The following CSPP1 variants were observed in gnomAD, a reference collection of about 807,000 sequenced individuals.
The protein encoded by CSPP1 is centrosome and spindle pole associated protein 1.
Under a neutral mutation model 164.4 loss-of-function variants are expected in CSPP1, and 126 were observed. That is an observed-to-expected ratio of 0.77 (90% CI 0.66 to 0.89). The LOEUF is 0.89. Ranked by LOEUF, CSPP1 falls within the 40% of genes least tolerant of loss-of-function variation. The pLI, the probability that CSPP1 is intolerant of heterozygous loss-of-function variation, is 0.00. For synonymous variants in CSPP1, 472 were observed against 476.7 expected, an observed-to-expected ratio of 0.99 and a Z score of 0.13; for missense variants, 1,395 against 1,449.8, an observed-to-expected ratio of 0.96 and a Z score of 0.61.
chr8:67,069,787 G>T (rs1806337062), intron 1 of CSPP1, among the ~76,000 whole-genome samples: 1 of 151,510 alleles, frequency 6.6e-6, no homozygotes, highest in Non-Finnish European at 1.5e-5. Context: ...GTGTCCCCCG[G>T]TAGTTGGGAT....
intron 1 of CSPP1, among the ~76,000 whole-genome samples, chr8:67,071,367 T>C (rs1342534704): frequency 6.6e-6 from 1 of 150,700 alleles, no homozygotes; most frequent in Admixed American, 6.6e-5. Context: ...ATTTAATTAT[T>C]CCCTCTGTTT....
Position 67,067,705 on chromosome 8 carries a change from C to T in CSPP1, c.-11+3167C>T, listed in dbSNP as rs577518658. ...GTCTTGATCTCCTGACCTCGTGATC[C>T]GCCCGCCTCGGCCTCCCAAAGTGTT... On this transcript the variant is annotated intron_variant, in intron 1 of 30. Transcript: ENST00000678616. Among the ~76,000 whole-genome samples the T allele has an allele frequency of 7.1e-4, 108 of 151,870 alleles. 1 individual carries two copies. Among genetic ancestry groups the T allele is most frequent in the Middle Eastern group, 3.4e-3 (1 of 294 alleles).
At position 67,137,545 on chromosome 8, in the gene CSPP1, T is replaced by G; in HGVS notation, c.1917T>G (p.Asn639Lys). The change falls in exon 17 of 31, where the codon AAT (asparagine) becomes AAG (lysine). Residue 639 changes from asparagine (N) to lysine (K), a missense_variant. Transcript: ENST00000678616. ...AKLEAEMRTY[N>K]PWGKGGGGAP... ...TAGAAGCTGAAATGAGAACATATAA[T>G]CCCTGGGGAAAAGGTGGAGGTGGTG... 2.5e-6 allele frequency: 4 copies of G among 1,595,274 alleles called. No individual in the cohort carries two copies. Among genetic ancestry groups the G allele is most frequent in the Non-Finnish European group, 3.4e-6 (4 of 1,170,538 alleles).
intron 23 of CSPP1, among the ~76,000 whole-genome samples, chr8:67,164,035 T>C (rs1828856809): frequency 6.6e-6 from 1 of 152,188 alleles, no homozygotes; most frequent in African/African-American, 2.4e-5. Flanking sequence ...CATGCATTTA[T>C]GTATGTGTAT....
chr8:67,094,333 G>T (rs1448063557), intron 6 of CSPP1, among the ~76,000 whole-genome samples: 2 of 146,564 alleles, frequency 1.4e-5, no homozygotes, highest in African/African-American at 5.1e-5. Context: ...GAATGCAGTG[G>T]CACAATGTCA....
intron 28 of CSPP1, among the ~76,000 whole-genome samples, chr8:67,182,448 G>T (rs1305581684): frequency 2.6e-5 from 4 of 152,132 alleles, no homozygotes; most frequent in African/African-American, 9.7e-5. Context: ...CCTATGAATA[G>T]GTGTACAATT....
intron 28 of CSPP1, among the ~76,000 whole-genome samples, chr8:67,180,946 C>G (rs1372874890): frequency 1.3e-5 from 2 of 151,606 alleles, no homozygotes; most frequent in Admixed American, 1.3e-4. Flanking sequence ...ATGATCTAGT[C>G]TACATATTAG....
At chr8:67,168,189 T>C (rs1053399278) in intron 24 of CSPP1, among the ~76,000 whole-genome samples, 2 of 151,950 alleles carry the variant, frequency 1.3e-5, no homozygotes. Context: ...CGCAGGCACT[T>C]GGCAGGCTGA....
chr8:67,189,705 A>C (rs1835676169), intron 28 of CSPP1, among the ~76,000 whole-genome samples: 1 of 152,222 alleles, frequency 6.6e-6, no homozygotes, highest in Admixed American at 6.5e-5. Context: ...TGAGAGACAA[A>C]ATGCCATGAT....
rs1554621539 is a variant in CSPP1 at position 67,184,744 on chromosome 8, T to TAATAATAATA, written c.3220+4819_3220+4820insATAATAATAA. On this transcript the variant is annotated intron_variant, in intron 28 of 30. Coordinates refer to ENST00000678616, the MANE Select transcript of CSPP1 (RefSeq NM_001382391.1). The stretch of plus-strand genomic sequence containing the variant: ...GTCTAAAAAAATAATAATAAAAAAA[T>TAATAATAATA]ATAATAATAATAATAATAATAATAA... 9.8e-5 allele frequency among the ~76,000 whole-genome samples: 14 copies of TAATAATAATA among 142,498 alleles called. No individual in the cohort carries two copies. In the South Asian group the frequency reaches 1.1e-3, roughly 11 times the overall value. 93.5% of individuals were successfully genotyped at this position (142,498 alleles called of 152,430 possible). A position where few individuals can be genotyped will look rare whatever the true frequency, so the allele number is the denominator to read the frequency against.
intron 24 of CSPP1, among the ~76,000 whole-genome samples, chr8:67,166,231 T>C (rs532484821): frequency 2.5e-4 from 38 of 152,328 alleles, no homozygotes; most frequent in Middle Eastern, 3.4e-3. Context: ...TGGTTCCTTT[T>C]GGAGAATGTA....
intron 21 of CSPP1, 33 bp downstream of exon 21, chr8:67,159,170 A>G: frequency 2.5e-6 from 4 of 1,574,324 alleles, no homozygotes; most frequent in Admixed American, 1.9e-5. Context: ...AATCAAACCC[A>G]TAGTTTAACT....
intron 16 of CSPP1, among the ~76,000 whole-genome samples, chr8:67,132,325 G>A (rs1044677258): frequency 3.3e-5 from 5 of 152,178 alleles, no homozygotes; most frequent in African/African-American, 9.7e-5. Context: ...CAATGACTAC[G>A]TTACAAGTTG....
At chr8:67,102,464 C>G (rs952708151) in intron 7 of CSPP1, among the ~76,000 whole-genome samples, 1 of 152,062 alleles carries the variant, frequency 6.6e-6, no homozygotes, top group Admixed American at 6.5e-5. Flanking sequence ...GTGGTGCGCG[C>G]CTATAGTCCC....
At chr8:67,115,876 A>G in intron 12 of CSPP1, 38 bp from the exon 13 acceptor site, 1 of 1,537,482 alleles carries the variant, frequency 6.5e-7, no homozygotes. Context: ...TAAACTTATG[A>G]TTATATGTAA....
At chr8:67,193,398 T>C (rs1836965950) in intron 29 of CSPP1, 66 bp from the exon 30 acceptor site, 4 of 1,447,448 alleles carry the variant, frequency 2.8e-6, no homozygotes, top group African/African-American at 1.4e-5. Context: ...TGCCTGGCCC[T>C]GATTCACTGA....
intron 15 of CSPP1, among the ~76,000 whole-genome samples, chr8:67,125,322 T>A (rs1819842872): frequency 6.6e-6 from 1 of 152,216 alleles, no homozygotes. Flanking sequence ...TGATAAGCTG[T>A]TAATCTTACT....
intron 4 of CSPP1, among the ~76,000 whole-genome samples, chr8:67,088,954 G>A (rs1194321564): frequency 1.3e-5 from 2 of 151,482 alleles, no homozygotes; most frequent in Non-Finnish European, 2.9e-5. Flanking sequence ...TAAAATTAGA[G>A]AGACAGTCTT....
At chr8:67,147,395 A>G (rs995913588) in intron 17 of CSPP1, among the ~76,000 whole-genome samples, 12 of 151,892 alleles carry the variant, frequency 7.9e-5, no homozygotes, top group African/African-American at 2.7e-4. Flanking sequence ...TCTTCTTTCT[A>G]CCTCTGAACA....
Sources: allele counts gnomAD v4.1 joint callset (sites outside exome capture counted in the v4.1 genomes callset), GRCh38; gene constraint gnomAD v4.1.1; transcripts MANE v1.5; gene names NCBI Gene and HGNC (gene_info 2026-07-23, HGNC 2026-07-21).